RANBP6: variants seen among roughly 807,000 people sequenced by gnomAD.
RANBP6 encodes RAN binding protein 6.
In RANBP6, 10 loss-of-function variants were observed where a neutral mutation model predicts 35.3. That is an observed-to-expected ratio of 0.28 (90% CI 0.17 to 0.48). The LOEUF (loss-of-function observed/expected upper bound fraction) is 0.48, where lower values mean the gene tolerates loss of function less well. Among genes scored for constraint, RANBP6 ranks in the 20% least tolerant of loss-of-function variants. The probability of loss-of-function intolerance (pLI) is 0.99; values close to 1 mark genes in which losing one functional copy is unlikely to be tolerated. For synonymous variants in RANBP6, 514 were observed against 464.2 expected, an observed-to-expected ratio of 1.11 and a Z score of -1.38; for missense variants, 1,392 against 1,307.7, an observed-to-expected ratio of 1.06 and a Z score of -0.99.
chr9:6,015,227 A>C lies in RANBP6; in HGVS notation c.381T>G (p.Asn127Lys). 6.2e-7 allele frequency: 1 copy of C among 1,614,164 alleles called. No individual in the cohort carries two copies. The highest frequency in any genetic ancestry group is 8.5e-7 in the Non-Finnish European group (1 of 1,180,036). ...LCDIFAVLAR[N>K]LIDEDGTNHW... is the part of the protein sequence containing the mutation. Reference sequence around the variant, plus strand: ...GGTTAGTGCCATCCTCATCTATCAAATTCCTGGCCAGCACTGCAAAAATAT... The same window carrying C: ...GGTTAGTGCCATCCTCATCTATCAACTTCCTGGCCAGCACTGCAAAAATAT... The change falls in exon 1 of 1, where the codon AAT (asparagine) becomes AAG (lysine). Residue 127 changes from asparagine (N) to lysine (K), a missense_variant. By Grantham distance (94) the Asn-to-Lys change is moderately conservative. Transcript: ENST00000259569.
rs774226113 is a variant in RANBP6, at chr9:6,013,856, A to C, written c.1752T>G (p.Asp584Glu). 6.2e-7 allele frequency: 1 copy of C among 1,613,996 alleles called. No individual in the cohort carries two copies. Among genetic ancestry groups the C allele is most frequent in the Non-Finnish European group, 8.5e-7 (1 of 1,179,990 alleles). The change falls in exon 1 of 1, where the codon GAT (aspartate) becomes GAG (glutamate). Residue 584 changes from aspartate to glutamate, a missense_variant. Coordinates refer to ENST00000259569, the MANE Select transcript of RANBP6 (RefSeq NM_012416.4). ...LAVGKEKFMQDASNVMQLLLK... is the reference protein window; with the variant it reads ...LAVGKEKFMQEASNVMQLLLK... Reference sequence around the variant, plus strand: ...ACAACAGCTGCATCACATTTGATGCATCTTGCATAAATTTTTCCTTCCCAA... The same window carrying C: ...ACAACAGCTGCATCACATTTGATGCCTCTTGCATAAATTTTTCCTTCCCAA...
Position 6,012,667 on chromosome 9 carries a change from T to C in RANBP6, c.2941A>G (p.Ile981Val), listed in dbSNP as rs777243603. 6.2e-7 allele frequency: 1 copy of C among 1,613,852 alleles called. No homozygotes were observed. Among genetic ancestry groups the C allele is most frequent in the Non-Finnish European group, 8.5e-7 (1 of 1,179,910 alleles). ...KKNVIATENC[I>V]SAIGKILKFK... ...TTCAAAATCTTCCCTATTGCTGAGATACAGTTCTCTGTAGCAATGACATTT... is the reference window on the plus strand; with the variant it reads ...TTCAAAATCTTCCCTATTGCTGAGACACAGTTCTCTGTAGCAATGACATTT... Residue 981 changes from isoleucine to valine, a missense_variant, in exon 1 of 1, where the codon ATC becomes GTC. Coordinates refer to ENST00000259569, the MANE Select transcript of RANBP6 (RefSeq NM_012416.4).
rs962760384 is a variant in RANBP6 at position 6,014,661 on chromosome 9, A to G, written c.947T>C (p.Ile316Thr). The G allele has an allele frequency of 2.5e-6, 4 of 1,614,070 alleles. No homozygotes were observed. The highest frequency in any genetic ancestry group is 1.3e-5 in the African/African-American group (1 of 74,946). ...TNIIAQAVPH[I>T]LAMMVDLQDD... ...TTGTAGATCAACCATCATTGCTAAT[A>G]TATGAGGAACTGCCTGTGCAATAAT... Residue 316 changes from isoleucine (I) to threonine (T), a missense_variant, in exon 1 of 1, where the codon ATA becomes ACA. By Grantham distance (89) the Ile-to-Thr change is moderately conservative. Transcript: ENST00000259569.
Position 6,011,155 on chromosome 9 carries a change from G to A in RANBP6, c.*1135C>T, listed in dbSNP as rs570702093. ...AGATGTATTTAAGTTTTGGATCAAT[G>A]AGTAATCGTTAGCTGAGTAGAAAGC... On this transcript the variant is annotated 3_prime_UTR_variant, in exon 1 of 1. Coordinates refer to ENST00000259569, the MANE Select transcript of RANBP6 (RefSeq NM_012416.4). The A allele has an allele frequency of 6.6e-6, 1 of 152,280 alleles. No individual in the cohort carries two copies. Among genetic ancestry groups the A allele is most frequent in the African/African-American group, 2.4e-5 (1 of 41,556 alleles). 9.4% of individuals were successfully genotyped at this position (152,280 alleles called of 1,614,324 possible).
rs1381423002 is a variant in RANBP6 at position 6,011,305 on chromosome 9, AGTT to A, written c.*982_*984del. On this transcript the variant is annotated 3_prime_UTR_variant, in exon 1 of 1. Transcript: ENST00000259569. ...TCTACTGCTAAATGACTACTCTCAA[AGTT>A]GTTTTCTTTTTCATGTTCAAAGAAA... 1.3e-5 allele frequency: 2 copies of A among 152,136 alleles called. No individual in the cohort carries two copies. Among genetic ancestry groups the A allele is most frequent in the Non-Finnish European group, 2.9e-5 (2 of 68,024 alleles). 9.4% of individuals were successfully genotyped at this position (152,136 alleles called of 1,614,324 possible). A position where few individuals can be genotyped will look rare whatever the true frequency, so the allele number is the denominator to read the frequency against.
In RANBP6 at chr9:6,011,846, A is replaced by G. The variant is rs1449042199; in HGVS notation, c.*444T>C. 1.3e-5 allele frequency: 2 copies of G among 154,200 alleles called. No individual in the cohort carries two copies. Among genetic ancestry groups the G allele is most frequent in the South Asian group, 2.0e-4 (1 of 4,998 alleles). 9.6% of individuals were successfully genotyped at this position (154,200 alleles called of 1,614,324 possible). A position where few individuals can be genotyped will look rare whatever the true frequency, so the allele number is the denominator to read the frequency against. On this transcript the variant is annotated 3_prime_UTR_variant, in exon 1 of 1. Transcript: ENST00000259569. ...CATCACCACAAATACCAAGAGTATTAATTAAAGAGGGACAAGCCTGCCACT... is the reference window on the plus strand; with the variant it reads ...CATCACCACAAATACCAAGAGTATTGATTAAAGAGGGACAAGCCTGCCACT...
Position 6,014,944 on chromosome 9 carries a change from A to T in RANBP6, c.664T>A (p.Phe222Ile). 3 of 1,614,220 alleles carry T rather than the reference A, an allele frequency of 1.9e-6. No homozygotes were observed. Among genetic ancestry groups the T allele is most frequent in the Non-Finnish European group, 2.5e-6 (3 of 1,180,048 alleles). The part of the protein sequence containing the change: ...NENNIALFKD[F>I]ADLLPGILQA... ...AAGATTCCAGGAAGCAAGTCTGCAA[A>T]GTCTTTGAAAAGAGCAATATTATTC... is the stretch of plus-strand genomic sequence containing the variant. Residue 222 changes from phenylalanine (F) to isoleucine (I), a missense_variant, in exon 1 of 1, where the codon TTT becomes ATT. Transcript: ENST00000259569.
Position 6,012,960 on chromosome 9 carries a change from C to T in RANBP6, c.2648G>A (p.Ser883Asn). ...CCACTGTCTGTCTGGCCATGGCCTA[C>T]TTGAACAAATTAGATTTACAATTAA... ...LPLIVNLICSSRPWPDRQWGL... is the reference protein window; with the variant it reads ...LPLIVNLICSNRPWPDRQWGL... The change falls in exon 1 of 1, where the codon AGT becomes AAT. Residue 883 changes from serine (S) to asparagine (N), a missense_variant. Transcript: ENST00000259569. 6.2e-7 allele frequency: 1 copy of T among 1,614,140 alleles called. No individual in the cohort carries two copies.
At position 6,012,467 on chromosome 9, in the gene RANBP6, G is replaced by A; in HGVS notation, c.3141C>T (p.Ile1047=). 1 of 1,612,334 alleles carries A rather than the reference G, an allele frequency of 6.2e-7. No homozygotes were observed. The highest frequency in any genetic ancestry group is 8.5e-7 in the Non-Finnish European group (1 of 1,179,536). The change falls in exon 1 of 1, where the codon ATC becomes ATT. Residue 1047 remains isoleucine, a synonymous_variant. Transcript: ENST00000259569. ...GPNNSNLPKI[I]SIIAEGKINE... ...TAATTTTTCCTTCTGCAATTATACT[G>A]ATTATTTTGGGAAGATTGGAATTAT...
In RANBP6 at chr9:6,015,454, A is replaced by C. The variant is rs541009325; in HGVS notation, c.154T>G (p.Phe52Val). Reference protein sequence around the residue: ...ENIPGLCKTTFLLDAVRNRRA... With the variant: ...ENIPGLCKTTVLLDAVRNRRA... ...CTATTTCTGACGGCATCTAAGAGGAAGGTAGTCTTACACAGACCTGGGATA... is the reference window on the plus strand; with the variant it reads ...CTATTTCTGACGGCATCTAAGAGGACGGTAGTCTTACACAGACCTGGGATA... The change falls in exon 1 of 1, where the codon TTC becomes GTC. Residue 52 changes from phenylalanine (F) to valine (V), a missense_variant. Coordinates refer to ENST00000259569, the MANE Select transcript of RANBP6 (RefSeq NM_012416.4). 2 of 1,614,184 alleles carry C rather than the reference A, an allele frequency of 1.2e-6. No individual in the cohort carries two copies. Among genetic ancestry groups the C allele is most frequent in the Admixed American group, 3.3e-5 (2 of 60,024 alleles).
rs1301214127 is a variant in RANBP6, at chr9:6,013,528, C to G, written c.2080G>C (p.Val694Leu). Residue 694 changes from valine to leucine, a missense_variant, in exon 1 of 1, where the codon GTT becomes CTT. Physicochemically the swap from Val to Leu is conservative, Grantham distance 32 (BLOSUM62 1). Transcript: ENST00000259569. ...TCCCTTAACTCCTTAGCATAGTAAA[C>G]CAACATTTGGCAAGCAGTTGCTTTT... ...EAKATACQMLVYYAKELREGF... is the reference protein window; with the variant it reads ...EAKATACQMLLYYAKELREGF... 1 of 1,614,178 alleles carries G rather than the reference C, an allele frequency of 6.2e-7. No individual in the cohort carries two copies. The highest frequency in any genetic ancestry group is 1.7e-5 in the Admixed American group (1 of 60,020).
In RANBP6 at chr9:6,013,288, G is replaced by A; in HGVS notation, c.2320C>T (p.Leu774Phe). 6.2e-7 allele frequency: 1 copy of A among 1,614,120 alleles called. No homozygotes were observed. Among genetic ancestry groups the A allele is most frequent in the South Asian group, 1.1e-5 (1 of 91,090 alleles). The change falls in exon 1 of 1, where the codon CTC (leucine) becomes TTC (phenylalanine). Residue 774 changes from leucine to phenylalanine, a missense_variant. Physicochemically the swap from Leu to Phe is conservative, Grantham distance 22. Transcript: ENST00000259569. ...GCAAAAGAATTCATTATTTCTGAGA[G>A]CACATCTGTATCTGGTTCAGTACCA... Reference protein sequence around the residue: ...AIGTEPDTDVLSEIMNSFAKS... With the variant: ...AIGTEPDTDVFSEIMNSFAKS...
rs756568863 is a variant in RANBP6, at chr9:6,015,402, A to T, written c.206T>A (p.Met69Lys). 1.2e-6 allele frequency: 2 copies of T among 1,614,212 alleles called. No individual in the cohort carries two copies. Among genetic ancestry groups the T allele is most frequent in the Non-Finnish European group, 1.7e-6 (2 of 1,180,032 alleles). Residue 69 changes from methionine (M) to lysine (K), a missense_variant, in exon 1 of 1, where the codon ATG becomes AAG. Physicochemically the swap from Met to Lys is moderately conservative, Grantham distance 95. Coordinates refer to ENST00000259569, the MANE Select transcript of RANBP6 (RefSeq NM_012416.4). Reference sequence around the variant, plus strand: ...AAGCCGTCGTAGCAGTGCGGCAGCCATTTGTCTCACCTCATAACCTGCTCT... The same window carrying T: ...AAGCCGTCGTAGCAGTGCGGCAGCCTTTTGTCTCACCTCATAACCTGCTCT... ...NRRAGYEVRQ[M>K]AAALLRRLLS...
Position 6,013,828 on chromosome 9 carries a change from T to C in RANBP6, c.1780A>G (p.Lys594Glu). ...DASNVMQLLL[K>E]TQSDLNNMED... ...ATATTATTTAAGTCTGATTGTGTCT[T>C]CAACAACAGCTGCATCACATTTGAT... The change falls in exon 1 of 1, where the codon AAG becomes GAG. Residue 594 changes from lysine (K) to glutamate (E), a missense_variant. By Grantham distance (56) the Lys-to-Glu change is moderately conservative (BLOSUM62 1). Coordinates refer to ENST00000259569, the MANE Select transcript of RANBP6 (RefSeq NM_012416.4). 1.2e-6 allele frequency: 2 copies of C among 1,614,030 alleles called. No homozygotes were observed. The highest frequency in any genetic ancestry group is 1.7e-6 in the Non-Finnish European group (2 of 1,180,014).
rs201088423 is a variant in RANBP6 at position 6,013,102 on chromosome 9, G to C, written c.2506C>G (p.Leu836Val). 1 of 1,614,004 alleles carries C rather than the reference G, an allele frequency of 6.2e-7. No homozygotes were observed. The highest frequency in any genetic ancestry group is 8.5e-7 in the Non-Finnish European group (1 of 1,179,988). The change falls in exon 1 of 1, where the codon CTG becomes GTG. Residue 836 changes from leucine to valine, a missense_variant. Coordinates refer to ENST00000259569, the MANE Select transcript of RANBP6 (RefSeq NM_012416.4). ...ACATCACATTCATCCTCATCTTGCA[G>C]AGACATCTCAACCTGTTGATCATAG... ...ENYDQQVEMS[L>V]QDEDECDVYI...
In RANBP6 at chr9:6,012,512, G is replaced by C; in HGVS notation, c.3096C>G (p.His1032Gln). ...SFLCDLIESN[H>Q]PVVIGPNNSN... ...AATTATTTGGACCAATTACAACTGG[G>C]TGGTTACTTTCAATTAGGTCACAGA... is the stretch of plus-strand genomic sequence containing the variant. The change falls in exon 1 of 1, where the codon CAC becomes CAG. Residue 1032 changes from histidine to glutamine, a missense_variant. Coordinates refer to ENST00000259569, the MANE Select transcript of RANBP6 (RefSeq NM_012416.4). The C allele has an allele frequency of 1.2e-6, 2 of 1,612,316 alleles. No individual in the cohort carries two copies. The highest frequency in any genetic ancestry group is 1.7e-6 in the Non-Finnish European group (2 of 1,179,304).
In RANBP6 at chr9:6,015,499, C is replaced by T. The variant is rs1302698413; in HGVS notation, c.109G>A (p.Ala37Thr). The T allele has an allele frequency of 3.7e-6, 6 of 1,613,808 alleles. No homozygotes were observed. Among genetic ancestry groups the T allele is most frequent in the Non-Finnish European group, 5.1e-6 (6 of 1,180,038 alleles). The change falls in exon 1 of 1, where the codon GCA (alanine) becomes ACA (threonine). Residue 37 changes from alanine to threonine, a missense_variant. Coordinates refer to ENST00000259569, the MANE Select transcript of RANBP6 (RefSeq NM_012416.4). The part of the protein sequence containing the change: ...INPSCMVRRQ[A>T]EEIYENIPGL... ...GGGATATTTTCATAGATTTCCTCTG[C>T]TTGCCTCCGCACCATACAGCTTGGA...
Position 6,012,992 on chromosome 9 carries a change from T to C in RANBP6, c.2616A>G (p.Leu872=), listed in dbSNP as rs1842502435. The change falls in exon 1 of 1, where the codon CTA becomes CTG. Residue 872 remains leucine (L), a synonymous_variant. Coordinates refer to ENST00000259569, the MANE Select transcript of RANBP6 (RefSeq NM_012416.4). ...AAATTAGATTTACAATTAATGGAAG[T>C]AGTTGTTCAAACCATGGTAAAATCT... The part of the protein sequence containing the change: ...KEKILPWFEQ[L]LPLIVNLICS... The C allele has an allele frequency of 6.2e-7, 1 of 1,613,764 alleles. No individual in the cohort carries two copies.
At position 6,012,910 on chromosome 9, in the gene RANBP6, T is replaced by A; in HGVS notation, c.2698A>T (p.Ile900Leu). The A allele has an allele frequency of 6.2e-7, 1 of 1,614,192 alleles. No homozygotes were observed. The highest frequency in any genetic ancestry group is 8.5e-7 in the Non-Finnish European group (1 of 1,180,032). The change falls in exon 1 of 1, where the codon ATA (isoleucine) becomes TTA (leucine). Residue 900 changes from isoleucine to leucine, a missense_variant. Physicochemically the swap from Ile to Leu is conservative, Grantham distance 5. Coordinates refer to ENST00000259569, the MANE Select transcript of RANBP6 (RefSeq NM_012416.4). Reference protein sequence around the residue: ...QWGLCIFDDIIEHCSPTSFKY... With the variant: ...QWGLCIFDDILEHCSPTSFKY... ...AATGAAGTTGGACTGCAGTGCTCTA[T>A]GATGTCATCAAATATGCACAATCCC...
Sources: gnomAD v4.1 joint callset for allele counts on GRCh38, gnomAD v4.1.1 for gene constraint, MANE v1.5 for transcripts, NCBI Gene and HGNC (gene_info 2026-07-23, HGNC 2026-07-21) for gene names.